Variants in ENPP6 observed in about 807,000 individuals in gnomAD.
ENPP6 encodes the protein ectonucleotide pyrophosphatase/phosphodiesterase 6, also known as glycerophosphocholine cholinephosphodiesterase ENPP6.
A neutral mutation model predicts 42.0 loss-of-function variants in ENPP6; 32 were observed. The ratio of observed to expected loss-of-function variants is 0.76; its 90% CI spans 0.58 to 1.02. ENPP6 has a LOEUF of 1.02. Ranked by LOEUF, ENPP6 falls within the 50% of genes least tolerant of loss-of-function variation. The probability of loss-of-function intolerance (pLI) is 0.00; values close to 1 mark genes in which losing one functional copy is unlikely to be tolerated. For synonymous variants in ENPP6, 213 were observed against 216.0 expected, an observed-to-expected ratio of 0.99 and a Z score of 0.12; for missense variants, 552 against 566.8, an observed-to-expected ratio of 0.97 and a Z score of 0.27.
chr4:184,153,343 C>T (rs1333023275), intron 2 of ENPP6, among the ~76,000 whole-genome samples: 1 of 152,034 alleles, frequency 6.6e-6, no homozygotes, highest in Non-Finnish European at 1.5e-5. Context: ...AGGTTGGTCT[C>T]GAACTCCTGA....
chr4:184,207,734 G>A (rs953453200), intron 1 of ENPP6, among the ~76,000 whole-genome samples: 3 of 152,180 alleles, frequency 2.0e-5, no homozygotes, highest in African/African-American at 7.2e-5. Context: ...TCTGCAGCAC[G>A]CTGGGGCCCT....
At chr4:184,137,704 G>C (rs1156300081) in intron 2 of ENPP6, among the ~76,000 whole-genome samples, 1 of 152,028 alleles carries the variant, frequency 6.6e-6, no homozygotes, top group African/African-American at 2.4e-5. Context: ...TTACTGCTAG[G>C]GTGTTGCTTT....
rs1180338197 is a variant in ENPP6, at chr4:184,112,765, C to A, written c.900G>T (p.Glu300Asp). 6.2e-7 allele frequency: 1 copy of A among 1,613,992 alleles called. No individual in the cohort carries two copies. Among genetic ancestry groups the A allele is most frequent in the Non-Finnish European group, 8.5e-7 (1 of 1,180,030 alleles). Residue 300 changes from glutamate to aspartate, a missense_variant, in exon 6 of 8, where the codon GAG becomes GAT. Physicochemically the swap from Glu to Asp is conservative, Grantham distance 45. Transcript: ENST00000296741. ...AGAACCTGCTTGGGATGGCTTCTTT[C>A]TCGTAGACAGTCATGTGTTCCACTG... Reference protein sequence around the residue: ...LSTVEHMTVYEKEAIPSRFYY... With the variant: ...LSTVEHMTVYDKEAIPSRFYY...
intron 1 of ENPP6, among the ~76,000 whole-genome samples, chr4:184,176,353 G>A (rs889165318): frequency 8.5e-5 from 13 of 152,136 alleles, no homozygotes; most frequent in African/African-American, 3.1e-4. Context: ...TCACACCATC[G>A]CTGTGAGGTT....
At chr4:184,151,944 T>A (rs1301179588) in intron 2 of ENPP6, among the ~76,000 whole-genome samples, 1 of 152,232 alleles carries the variant, frequency 6.6e-6, no homozygotes, top group African/African-American at 2.4e-5. Flanking sequence ...AAACTCTTCC[T>A]CTTCCTTTGC....
intron 1 of ENPP6, among the ~76,000 whole-genome samples, chr4:184,195,028 T>C (rs955099755): frequency 6.6e-6 from 1 of 151,488 alleles, no homozygotes; most frequent in Non-Finnish European, 1.5e-5. Context: ...TCAGATTTTT[T>C]TTATCATGGT....
intron 3 of ENPP6, 26 bp downstream of exon 3, chr4:184,124,135 G>T: frequency 6.4e-7 from 1 of 1,551,418 alleles, no homozygotes; most frequent in Non-Finnish European, 8.9e-7. Flanking sequence ...GAAGAAAATG[G>T]TGTGGCTAGA....
chr4:184,212,840 AC>A (rs1466502040), intron 1 of ENPP6, among the ~76,000 whole-genome samples: 1 of 152,096 alleles, frequency 6.6e-6, no homozygotes, highest in Admixed American at 6.5e-5. Flanking sequence ...TTCAAACTAT[AC>A]TACAAGGCTA....
intron 1 of ENPP6, among the ~76,000 whole-genome samples, chr4:184,168,597 C>T (rs1737400242): frequency 1.3e-5 from 2 of 152,232 alleles, no homozygotes; most frequent in South Asian, 2.1e-4. Context: ...CCGCCACTGC[C>T]CTCTGCTGGC....
At chr4:184,131,923 A>T (rs2111359779) in intron 2 of ENPP6, among the ~76,000 whole-genome samples, 1 of 152,140 alleles carries the variant, frequency 6.6e-6, no homozygotes, top group East Asian at 1.9e-4. Flanking sequence ...CTGGAGATCT[A>T]GGAAACCTGG....
chr4:184,099,047 G>A (rs1384070044), intron 6 of ENPP6, among the ~76,000 whole-genome samples: 1 of 152,182 alleles, frequency 6.6e-6, no homozygotes, highest in Non-Finnish European at 1.5e-5. Context: ...ATCCCAGTGG[G>A]GATGATACCA....
At chr4:184,213,364 A>G (rs1367577122) in intron 1 of ENPP6, among the ~76,000 whole-genome samples, 1 of 151,866 alleles carries the variant, frequency 6.6e-6, no homozygotes, top group Non-Finnish European at 1.5e-5. Flanking sequence ...AATATCCAGA[A>G]TCTACGATGA....
intron 1 of ENPP6, among the ~76,000 whole-genome samples, chr4:184,194,823 A>G (rs1489753490): frequency 1.3e-5 from 2 of 152,204 alleles, no homozygotes; most frequent in Admixed American, 6.5e-5. Context: ...TGGTCTCTGG[A>G]GACACATGGA....
At chr4:184,144,985 C>A (rs1736894969) in intron 2 of ENPP6, among the ~76,000 whole-genome samples, 1 of 152,220 alleles carries the variant, frequency 6.6e-6, no homozygotes, top group Non-Finnish European at 1.5e-5. Flanking sequence ...GGACAGAGGG[C>A]ACTGAGGAAG....
At chr4:184,131,845 G>T (rs966974115) in intron 2 of ENPP6, among the ~76,000 whole-genome samples, 3 of 131,660 alleles carry the variant, frequency 2.3e-5, no homozygotes, top group East Asian at 4.4e-4. Context: ...ATATAAAGAG[G>T]TATATTATGA....
intron 2 of ENPP6, among the ~76,000 whole-genome samples, chr4:184,143,870 A>G (rs6552751): frequency 0.71 from 108,316 of 152,240 alleles, 39,266 homozygotes; most frequent in African/African-American, 0.84. Flanking sequence ...TGAAGTGCTG[A>G]AAACACTGTA....
intron 1 of ENPP6, among the ~76,000 whole-genome samples, chr4:184,214,142 A>G (rs576970350): frequency 2.7e-5 from 4 of 146,344 alleles, no homozygotes; most frequent in Non-Finnish European, 6.0e-5. Flanking sequence ...CTAATGCTAG[A>G]TGACGAGTTA....
chr4:184,101,901 G>A (rs1213866914), intron 6 of ENPP6, among the ~76,000 whole-genome samples: 1 of 152,336 alleles, frequency 6.6e-6, no homozygotes, highest in Non-Finnish European at 1.5e-5. Context: ...CCCCACACCA[G>A]GACGCGCGGT....
rs116426631 is a variant in ENPP6, at chr4:184,117,861, G to A, written c.573C>T (p.Arg191=). The A allele has an allele frequency of 0.018, 28,407 of 1,614,222 alleles. 288 individuals are homozygous for A. The highest frequency in any genetic ancestry group is 0.02 in the Non-Finnish European group (23,182 of 1,180,048). The stretch of plus-strand genomic sequence containing the variant: ...CGTAGTGGTGGCCTTCCACGTCAAT[G>A]CGCTCATGGTATATGGCTGCCAGGT... ...RADLAAIYHE[R]IDVEGHHYGP... Residue 191 remains arginine, a synonymous_variant, in exon 4 of 8, where the codon CGC becomes CGT. Coordinates refer to ENST00000296741, the MANE Select transcript of ENPP6 (RefSeq NM_153343.4).
Sources: gnomAD v4.1 joint callset for allele counts (sites outside exome capture counted in the v4.1 genomes callset) on GRCh38, gnomAD v4.1.1 for gene constraint, MANE v1.5 for transcripts, NCBI Gene and HGNC (gene_info 2026-07-23, HGNC 2026-07-21) for gene names.